The following TBX15 variants were observed in gnomAD, a reference collection of about 807,000 sequenced individuals.
The protein encoded by TBX15 is T-box transcription factor TBX15.
A neutral mutation model predicts 53.9 loss-of-function variants in TBX15; 18 were observed. That is an observed-to-expected ratio of 0.33 (90% CI 0.23 to 0.49). TBX15 has a LOEUF of 0.49. TBX15 is among the 20% of genes least tolerant of loss of function. The pLI, the probability that TBX15 is intolerant of heterozygous loss-of-function variation, is 0.98. For synonymous variants in TBX15, 295 were observed against 278.0 expected, an observed-to-expected ratio of 1.06 and a Z score of -0.61; for missense variants, 692 against 749.5, an observed-to-expected ratio of 0.92 and a Z score of 0.90.
intron 7 of TBX15, among the ~76,000 whole-genome samples, chr1:118,892,252 A>T (rs1654172303): frequency 6.6e-6 from 1 of 152,214 alleles, no homozygotes; most frequent in African/African-American, 2.4e-5. Context: ...AACAGGCTAA[A>T]CAATGAAGTA....
At chr1:118,951,442 G>A (rs1457860750) in intron 1 of TBX15, among the ~76,000 whole-genome samples, 2 of 152,186 alleles carry the variant, frequency 1.3e-5, no homozygotes, top group Non-Finnish European at 2.9e-5. Context: ...CCAGTGGAGG[G>A]GTTTTGAGTA....
chr1:118,932,923 A>G (rs756551036), intron 1 of TBX15, among the ~76,000 whole-genome samples: 1 of 152,168 alleles, frequency 6.6e-6, no homozygotes. Context: ...AACATCTAGA[A>G]TTCTGATTGC....
chr1:118,907,999 A>G (rs773875716), intron 6 of TBX15, among the ~76,000 whole-genome samples: 2 of 152,122 alleles, frequency 1.3e-5, no homozygotes, highest in South Asian at 2.1e-4. Context: ...AGGCTAAATC[A>G]ATGTCTTACA....
chr1:118,959,236 A>G (rs1571206226), intron 1 of TBX15, among the ~76,000 whole-genome samples: 1 of 152,186 alleles, frequency 6.6e-6, no homozygotes, highest in East Asian at 1.9e-4. Flanking sequence ...CCTCCCAACT[A>G]TGAATGCTGG....
intron 7 of TBX15, among the ~76,000 whole-genome samples, chr1:118,893,490 G>GA (rs1246262032): frequency 8.2e-5 from 7 of 85,230 alleles, no homozygotes; most frequent in African/African-American, 3.9e-4. Flanking sequence ...AGGAAGGAAA[G>GA]AAAGAAAGAA....
At chr1:118,976,662 C>T (rs901511119) in intron 1 of TBX15, among the ~76,000 whole-genome samples, 1 of 152,168 alleles carries the variant, frequency 6.6e-6, no homozygotes, top group Non-Finnish European at 1.5e-5. Flanking sequence ...TGTATGCCAG[C>T]CAGCTACTCC....
intron 1 of TBX15, among the ~76,000 whole-genome samples, chr1:118,937,218 A>G (rs1656000022): frequency 6.6e-6 from 1 of 152,128 alleles, no homozygotes; most frequent in Non-Finnish European, 1.5e-5. Context: ...GAGAATTACA[A>G]ACAAACTGGT....
intron 6 of TBX15, among the ~76,000 whole-genome samples, chr1:118,905,393 C>A (rs1654780842): frequency 6.6e-6 from 1 of 152,234 alleles, no homozygotes; most frequent in South Asian, 2.1e-4. Context: ...GGCAAGGCCA[C>A]ACAGCCAAGA....
chr1:118,925,628 G>A lies in TBX15; in HGVS notation c.522-811C>T, dbSNP rs376810948. Reference sequence around the variant, plus strand: ...CTTCTCAGTTCTAAAGGACCACATGGGACCTGGACCCTGAGAAATAGAGGC... The same window carrying A: ...CTTCTCAGTTCTAAAGGACCACATGAGACCTGGACCCTGAGAAATAGAGGC... On this transcript the variant is annotated intron_variant, in intron 3 of 7. Transcript: ENST00000369429. 3.2e-4 allele frequency among the ~76,000 whole-genome samples: 49 copies of A among 152,196 alleles called. No homozygotes were observed. The South Asian group carries it at 1.0e-2, about 31-fold the overall frequency.
rs531310961 is a variant in TBX15 at position 118,883,240 on chromosome 1, A to C, written c.*1492T>G. On this transcript the variant is annotated 3_prime_UTR_variant, in exon 8 of 8. Transcript: ENST00000369429. The stretch of plus-strand genomic sequence containing the variant: ...ATACATTTATCTACAACACCTCAAA[A>C]CCAGAAACTTTAATAATATCTGTAT... 1 of 152,614 alleles carries C rather than the reference A, an allele frequency of 6.6e-6. No homozygotes were observed. Among genetic ancestry groups the C allele is most frequent in the African/African-American group, 2.4e-5 (1 of 41,540 alleles). 9.5% of individuals were successfully genotyped at this position (152,614 alleles called of 1,614,324 possible).
At chr1:118,978,937 G>A (rs1421577889) in intron 1 of TBX15, among the ~76,000 whole-genome samples, 1 of 152,176 alleles carries the variant, frequency 6.6e-6, no homozygotes, top group East Asian at 1.9e-4. Context: ...TGGCTCAAAT[G>A]TTTGCCCCTC....
intron 1 of TBX15, among the ~76,000 whole-genome samples, chr1:118,943,830 A>G (rs907275817): frequency 6.6e-6 from 1 of 152,174 alleles, no homozygotes; most frequent in African/African-American, 2.4e-5. Flanking sequence ...AGGGAGCACG[A>G]GCAGGAGGCC....
At chr1:118,898,280 C>A (rs574257389) in intron 7 of TBX15, among the ~76,000 whole-genome samples, 139 of 152,222 alleles carry the variant, frequency 9.1e-4, no homozygotes, top group African/African-American at 3.2e-3. Flanking sequence ...AAACCTAATT[C>A]AGTGTGCAAA....
chr1:118,908,460 A>T (rs1654914996), intron 6 of TBX15, among the ~76,000 whole-genome samples: 1 of 152,084 alleles, frequency 6.6e-6, no homozygotes, highest in Non-Finnish European at 1.5e-5. Flanking sequence ...CCCAAGTAAG[A>T]GAAATCTCCC....
rs143522715 is a variant in TBX15, at chr1:118,944,142, T to C, written c.206-12310A>G. On this transcript the variant is annotated intron_variant, in intron 1 of 7. Transcript: ENST00000369429. ...CAAAACTTAGAATCCCACCCTCACA[T>C]CCCAACTTCCCAGACCCTCCAGGAA... Among the ~76,000 whole-genome samples the C allele has an allele frequency of 2.0e-4, 30 of 152,180 alleles. No homozygotes were observed. In the East Asian group the frequency reaches 5.6e-3, roughly 28 times the overall value.
intron 1 of TBX15, among the ~76,000 whole-genome samples, chr1:118,937,494 C>T (rs1410455568): frequency 1.3e-5 from 2 of 152,162 alleles, no homozygotes; most frequent in Non-Finnish European, 2.9e-5. Flanking sequence ...TCTATCCAGA[C>T]TATGAATTCC....
chr1:118,921,417 G>A (rs573334158), intron 5 of TBX15, among the ~76,000 whole-genome samples: 1 of 152,230 alleles, frequency 6.6e-6, no homozygotes, highest in East Asian at 1.9e-4. Flanking sequence ...GAGAACAATT[G>A]CTCCCAATCC....
chr1:118,965,368 T>C (rs957543069), intron 1 of TBX15, among the ~76,000 whole-genome samples: 4 of 152,178 alleles, frequency 2.6e-5, no homozygotes, highest in Non-Finnish European at 4.4e-5. Flanking sequence ...ATGAAATCAA[T>C]TTGCAAGCAT....
In TBX15 at chr1:118,987,578, G is replaced by C. The variant is rs1252928683; in HGVS notation, c.205+13C>G. 6.5e-7 allele frequency: 1 copy of C among 1,541,248 alleles called. No individual in the cohort carries two copies. The highest frequency in any genetic ancestry group is 8.7e-7 in the Non-Finnish European group (1 of 1,144,132). On this transcript the variant is annotated intron_variant, in intron 1 of 7. Coordinates refer to ENST00000369429, the MANE Select transcript of TBX15 (RefSeq NM_001330677.2). ...CTCCGCCCGCCTCCCGCGGTCGGCT[G>C]CGACGCACTCACCCGGGTGAGGCTC... is the stretch of plus-strand genomic sequence containing the variant.
Sources: allele counts gnomAD v4.1 joint callset (sites outside exome capture counted in the v4.1 genomes callset), GRCh38; gene constraint gnomAD v4.1.1; transcripts MANE v1.5; gene names NCBI Gene and HGNC (gene_info 2026-07-23, HGNC 2026-07-21).